The following SEPTIN7 variants were observed in gnomAD, a reference collection of about 807,000 sequenced individuals.
SEPTIN7 encodes septin-7.
In SEPTIN7, 10 loss-of-function variants were observed where a neutral mutation model predicts 63.3. That is an observed-to-expected ratio of 0.16 (90% CI 0.10 to 0.27). SEPTIN7 has a LOEUF of 0.27. Ranked by LOEUF, SEPTIN7 falls within the 10% of genes least tolerant of loss-of-function variation. The pLI is 1.00. For synonymous variants in SEPTIN7, 131 were observed against 165.3 expected, an observed-to-expected ratio of 0.79 and a Z score of 1.59; for missense variants, 310 against 521.0, an observed-to-expected ratio of 0.59 and a Z score of 3.94.
At chr7:35,823,107 AAAAG>A (rs1476689322) in intron 1 of SEPTIN7, among the ~76,000 whole-genome samples, 20 of 152,218 alleles carry the variant, frequency 1.3e-4, no homozygotes, top group African/African-American at 4.3e-4. Flanking sequence ...AAATATTAAA[AAAAG>A]AAATAATAAC....
intron 11 of SEPTIN7, among the ~76,000 whole-genome samples, chr7:35,896,806 T>C (rs1367755294): frequency 1.3e-5 from 2 of 152,212 alleles, no homozygotes; most frequent in South Asian, 4.1e-4. Context: ...TGAAGAAATA[T>C]CCTTGATTTA....
At chr7:35,804,641 C>G (rs989193062) in intron 1 of SEPTIN7, among the ~76,000 whole-genome samples, 6 of 152,140 alleles carry the variant, frequency 3.9e-5, no homozygotes, top group African/African-American at 7.2e-5. Flanking sequence ...ATTTTAAAAA[C>G]TACAGTTAGG....
chr7:35,802,797 T>G (rs1788078801), intron 1 of SEPTIN7, among the ~76,000 whole-genome samples: 1 of 148,660 alleles, frequency 6.7e-6, no homozygotes. Context: ...GAGTAAGGGG[T>G]GGTTGGGTGG....
At chr7:35,869,320 T>G (rs1786003663) in intron 4 of SEPTIN7, among the ~76,000 whole-genome samples, 1 of 152,214 alleles carries the variant, frequency 6.6e-6, no homozygotes, top group South Asian at 2.1e-4. Flanking sequence ...ATAACTGTTT[T>G]ACTATTGGTC....
At chr7:35,836,983 T>C (rs187992796) in intron 3 of SEPTIN7, among the ~76,000 whole-genome samples, 9 of 152,258 alleles carry the variant, frequency 5.9e-5, no homozygotes, top group Non-Finnish European at 2.9e-5. Flanking sequence ...CTAAAAACCA[T>C]TGAATTATAC....
chr7:35,858,221 A>C (rs1785307350), intron 3 of SEPTIN7, among the ~76,000 whole-genome samples: 1 of 152,188 alleles, frequency 6.6e-6, no homozygotes, highest in African/African-American at 2.4e-5. Context: ...CTGAGATTAC[A>C]GGCATTAGCC....
chr7:35,903,150 G>C lies in SEPTIN7; in HGVS notation c.1209G>C (p.Gln403His). Residue 403 changes from glutamine (Q) to histidine (H), a missense_variant, in exon 13 of 14, where the codon CAG (glutamine) becomes CAC (histidine). By Grantham distance (24) the Gln-to-His change is conservative (BLOSUM62 0). Coordinates refer to ENST00000350320, the MANE Select transcript of SEPTIN7 (RefSeq NM_001788.6). Reference sequence around the variant, plus strand: ...AAGAATTGGAGGAAAAACGTCGTCAGTTCGAGGATGAGAAAGCAAACTGGG... The same window carrying C: ...AAGAATTGGAGGAAAAACGTCGTCACTTCGAGGATGAGAAAGCAAACTGGG... ...QHKELEEKRRQFEDEKANWEA... is the reference protein window; with the variant it reads ...QHKELEEKRRHFEDEKANWEA... The C allele has an allele frequency of 1.9e-6, 3 of 1,602,508 alleles. No individual in the cohort carries two copies. The highest frequency in any genetic ancestry group is 2.6e-6 in the Non-Finnish European group (3 of 1,175,510).
intron 10 of SEPTIN7, among the ~76,000 whole-genome samples, chr7:35,886,137 T>C (rs1159243810): frequency 6.6e-6 from 1 of 152,218 alleles, no homozygotes; most frequent in Non-Finnish European, 1.5e-5. Context: ...GATTTAATAC[T>C]GAAATAACTA....
chr7:35,835,641 G>A (rs142490560), intron 3 of SEPTIN7, among the ~76,000 whole-genome samples: 3 of 152,260 alleles, frequency 2.0e-5, no homozygotes, highest in East Asian at 1.9e-4. Flanking sequence ...CTTGAACTTA[G>A]ATGAATTCAG....
chr7:35,895,757 A>G (rs1397819660), intron 11 of SEPTIN7, among the ~76,000 whole-genome samples: 5 of 152,170 alleles, frequency 3.3e-5, no homozygotes, highest in East Asian at 3.8e-4. Context: ...GGTATGATAC[A>G]GTTGAAGGCA....
rs1281453726 is a variant in SEPTIN7 at position 35,812,132 on chromosome 7, AAAAAAAAAAAC to A, written c.61+10875_61+10885del. On this transcript the variant is annotated intron_variant, in intron 1 of 13. Transcript: ENST00000350320. ...AATGATACTCTGTCTCCAAAACAAAAAAAAAAAAAACAAAAAAAAAACAGTTTTTAGAGAGA... is the reference window on the plus strand; with the variant it reads ...AATGATACTCTGTCTCCAAAACAAAAAAAAAAAAAACAGTTTTTAGAGAGA... 3.5e-3 allele frequency: 687 copies of A among 195,864 alleles called. 4 individuals are homozygous for A. The highest frequency in any genetic ancestry group is 0.016 in the African/African-American group (649 of 41,242). The allele number at this position is 195,864 out of a possible 1,614,324, so 12.1% of individuals were successfully genotyped here. A position where few individuals can be genotyped will look rare whatever the true frequency, so the allele number is the denominator to read the frequency against.
Position 35,802,497 on chromosome 7 carries a change from A to G in SEPTIN7, c.61+1227A>G, listed in dbSNP as rs1411154859. Among the ~76,000 whole-genome samples, 11 of 152,228 alleles carry G rather than the reference A, an allele frequency of 7.2e-5. No individual in the cohort carries two copies. In the East Asian group the frequency reaches 9.6e-4, roughly 13 times the overall value. ...TCTTCTGGCTTTTTTATTTTGATGA[A>G]AGGAAAAAATATCTTTGTTAGTGCC... On this transcript the variant is annotated intron_variant, in intron 1 of 13. Coordinates refer to ENST00000350320, the MANE Select transcript of SEPTIN7 (RefSeq NM_001788.6).
At chr7:35,880,680 A>G (rs538011815) in intron 7 of SEPTIN7, among the ~76,000 whole-genome samples, 2 of 151,882 alleles carry the variant, frequency 1.3e-5, no homozygotes, top group South Asian at 2.1e-4. Context: ...TTTTGTTTTC[A>G]GTGCACTAAT....
chr7:35,872,965 T>C (rs1786245559), intron 5 of SEPTIN7, among the ~76,000 whole-genome samples, 199 bp downstream of exon 5: 1 of 152,154 alleles, frequency 6.6e-6, no homozygotes, highest in Non-Finnish European at 1.5e-5. Context: ...TACTTTTCTA[T>C]AAAATGGAGA....
intron 1 of SEPTIN7, among the ~76,000 whole-genome samples, chr7:35,824,684 C>T (rs141271650): frequency 6.6e-6 from 1 of 152,166 alleles, no homozygotes; most frequent in African/African-American, 2.4e-5. Flanking sequence ...TTACAGAGAT[C>T]TGTCATTTCA....
chr7:35,813,556 G>A (rs1396452473), intron 1 of SEPTIN7, among the ~76,000 whole-genome samples: 1 of 151,970 alleles, frequency 6.6e-6, no homozygotes, highest in Admixed American at 6.6e-5. Context: ...TTGTATTTTT[G>A]TAGGCATGGG....
At chr7:35,811,336 G>A (rs536597901) in intron 1 of SEPTIN7, among the ~76,000 whole-genome samples, 191 of 152,074 alleles carry the variant, frequency 1.3e-3, no homozygotes, top group African/African-American at 4.5e-3. Context: ...ACATTTTAAA[G>A]TATTTCTAAT....
At chr7:35,882,648 G>C in intron 8 of SEPTIN7, 72 bp downstream of exon 8, 2 of 1,221,542 alleles carry the variant, frequency 1.6e-6, no homozygotes, top group Non-Finnish European at 2.1e-6. Flanking sequence ...CCACAGGAAA[G>C]ATCAAAAGTA....
chr7:35,838,138 G>A (rs1374322899), intron 3 of SEPTIN7, among the ~76,000 whole-genome samples: 10 of 151,636 alleles, frequency 6.6e-5, no homozygotes, highest in Non-Finnish European at 1.5e-4. Context: ...GTACTCTGAG[G>A]GCATTATTAT....
Sources: gnomAD v4.1 joint callset for allele counts (sites outside exome capture counted in the v4.1 genomes callset) on GRCh38, gnomAD v4.1.1 for gene constraint, MANE v1.5 for transcripts, NCBI Gene and HGNC (gene_info 2026-07-23, HGNC 2026-07-21) for gene names.